Variants in WDFY3 observed in about 807,000 individuals in gnomAD.
WDFY3 encodes the protein WD repeat and FYVE domain containing 3, also known as WD repeat and FYVE domain-containing protein 3.
WDFY3 carries 66 observed loss-of-function variants against 409.6 expected under a neutral mutation model. That is an observed-to-expected ratio of 0.16 (90% CI 0.13 to 0.20). The LOEUF is 0.20. Ranked by LOEUF, WDFY3 falls within the 10% of genes least tolerant of loss-of-function variation. WDFY3 has a pLI of 1.00. For missense variants in WDFY3, 3,031 were observed against 4,298.1 expected (o/e 0.71, Z 8.24); for synonymous variants, 1,521 against 1,537.1 (o/e 0.99, Z 0.25).
intron 44 of WDFY3, among the ~76,000 whole-genome samples, chr4:84,732,384 G>A (rs1331190528): frequency 6.6e-6 from 1 of 152,082 alleles, no homozygotes; most frequent in Non-Finnish European, 1.5e-5. Context: ...AACAATTTTT[G>A]TGCCAAGAAC....
At chr4:84,957,698 C>A (rs1198594292) in intron 1 of WDFY3, among the ~76,000 whole-genome samples, 1 of 152,182 alleles carries the variant, frequency 6.6e-6, no homozygotes, top group Non-Finnish European at 1.5e-5. Flanking sequence ...CAAAGCCCTG[C>A]ACCACTGCAG....
chr4:84,701,880 A>G (rs988175606), intron 56 of WDFY3, among the ~76,000 whole-genome samples: 1 of 152,232 alleles, frequency 6.6e-6, no homozygotes, highest in Non-Finnish European at 1.5e-5. Context: ...CAAGATTAAA[A>G]CAATACATGG....
At chr4:84,797,957 T>C (rs1318466481) in intron 18 of WDFY3, 39 bp downstream of exon 18, 1 of 1,509,902 alleles carries the variant, frequency 6.6e-7, no homozygotes, top group East Asian at 2.3e-5. Context: ...ATGATTTTCA[T>C]TCATAAAATA....
intron 63 of WDFY3, among the ~76,000 whole-genome samples, chr4:84,683,687 T>C (rs1034579619): frequency 2.0e-5 from 3 of 152,212 alleles, no homozygotes; most frequent in Non-Finnish European, 4.4e-5. Context: ...ATGGGAATCA[T>C]GTTTGACTGA....
At chr4:84,741,074 A>C (rs1334816104) in intron 38 of WDFY3, among the ~76,000 whole-genome samples, 2 of 152,194 alleles carry the variant, frequency 1.3e-5, no homozygotes. Context: ...TATAAACTAC[A>C]AGGAACTTTG....
chr4:84,902,677 G>C (rs769922802), intron 2 of WDFY3, among the ~76,000 whole-genome samples: 9 of 152,190 alleles, frequency 5.9e-5, no homozygotes, highest in Middle Eastern at 3.2e-3. Context: ...ATGTTAGCAA[G>C]TTCTTTGATA....
chr4:84,928,303 T>C (rs1770275981), intron 2 of WDFY3, among the ~76,000 whole-genome samples: 2 of 152,174 alleles, frequency 1.3e-5, no homozygotes, highest in Admixed American at 1.3e-4. Flanking sequence ...AGTTACAGCA[T>C]TGGCTTCCTT....
chr4:84,756,228 G>A (rs931442121), intron 33 of WDFY3, among the ~76,000 whole-genome samples: 9 of 151,944 alleles, frequency 5.9e-5, no homozygotes, highest in African/African-American at 1.7e-4. Flanking sequence ...ATACCCACTC[G>A]AGGAGTGATA....
At chr4:84,863,995 T>G (rs930195540) in intron 3 of WDFY3, among the ~76,000 whole-genome samples, 2 of 152,208 alleles carry the variant, frequency 1.3e-5, no homozygotes, top group East Asian at 3.8e-4. Flanking sequence ...TTTTTTCTTG[T>G]TCAAGACTGC....
intron 5 of WDFY3, among the ~76,000 whole-genome samples, chr4:84,841,829 T>C (rs574513062): frequency 1.4e-4 from 22 of 152,340 alleles, no homozygotes; most frequent in Non-Finnish European, 2.8e-4. Flanking sequence ...ATGCAGTTTC[T>C]TGAGCAAAGG....
chr4:84,849,695 G>C, intron 5 of WDFY3: 1 of 532,006 alleles, frequency 1.9e-6, no homozygotes. Flanking sequence ...TAGTGGTCCA[G>C]GCAGAGTAGC....
At chr4:84,735,310 C>T (rs1204495168) in intron 42 of WDFY3, among the ~76,000 whole-genome samples, 190 bp from the exon 43 acceptor site, 1 of 152,176 alleles carries the variant, frequency 6.6e-6, no homozygotes, top group Non-Finnish European at 1.5e-5. Flanking sequence ...TGCTCTCCCA[C>T]CCCCAAAGCC....
intron 1 of WDFY3, among the ~76,000 whole-genome samples, chr4:84,938,178 G>A (rs1771672217): frequency 6.6e-6 from 1 of 151,932 alleles, no homozygotes; most frequent in South Asian, 2.1e-4. Context: ...AAAGAATCTG[G>A]CACATAGCAG....
chr4:84,706,927 T>C lies in WDFY3; in HGVS notation c.8218-1416A>G, dbSNP rs561113056. ...TGATTCACTGAATAATTTTATTATTTATTTTTACTTCTTTTTTTTTTTTTT... is the reference window on the plus strand; with the variant it reads ...TGATTCACTGAATAATTTTATTATTCATTTTTACTTCTTTTTTTTTTTTTT... On this transcript the variant is annotated intron_variant, in intron 53 of 67. Coordinates refer to ENST00000295888, the MANE Select transcript of WDFY3 (RefSeq NM_014991.6). 3.3e-5 allele frequency among the ~76,000 whole-genome samples: 5 copies of C among 151,906 alleles called. No individual in the cohort carries two copies. The East Asian group carries it at 5.8e-4, about 18-fold the overall frequency.
At chr4:84,865,854 A>C (rs1002978600) in intron 3 of WDFY3, among the ~76,000 whole-genome samples, 3 of 152,114 alleles carry the variant, frequency 2.0e-5, no homozygotes, top group Admixed American at 6.6e-5. Flanking sequence ...CAGATCCTTT[A>C]AGCTCAGGAG....
chr4:84,766,625 T>C (rs1311924150), intron 30 of WDFY3, among the ~76,000 whole-genome samples: 1 of 152,220 alleles, frequency 6.6e-6, no homozygotes, highest in Non-Finnish European at 1.5e-5. Context: ...TACATTAATA[T>C]TCCCCTTGCC....
intron 7 of WDFY3, among the ~76,000 whole-genome samples, chr4:84,832,358 T>C (rs542259374): frequency 6.6e-6 from 1 of 152,218 alleles, no homozygotes; most frequent in South Asian, 2.1e-4. Context: ...TGGGGCAAGC[T>C]AAAGGCTGGT....
intron 7 of WDFY3, among the ~76,000 whole-genome samples, chr4:84,832,251 T>C (rs191570319): frequency 2.4e-4 from 36 of 152,228 alleles, no homozygotes; most frequent in African/African-American, 8.7e-4. Flanking sequence ...AAGATGAATA[T>C]TGAATGCTTT....
At chr4:84,965,647 T>C (rs1775554516) in intron 1 of WDFY3, 2 of 152,232 alleles carry the variant, frequency 1.3e-5, no homozygotes, top group Admixed American at 6.5e-5. Flanking sequence ...CTCTGGCTCC[T>C]TCCATAATCG....
Sources: gnomAD v4.1 joint callset for allele counts (sites outside exome capture counted in the v4.1 genomes callset) on GRCh38, gnomAD v4.1.1 for gene constraint, MANE v1.5 for transcripts, NCBI Gene and HGNC (gene_info 2026-07-23, HGNC 2026-07-21) for gene names.